The following WDR36 variants were observed in gnomAD, a reference collection of about 807,000 sequenced individuals.
WDR36 encodes the protein WD repeat-containing protein 36.
WDR36 carries 63 observed loss-of-function variants against 112.7 expected under a neutral mutation model. The ratio of observed to expected loss-of-function variants is 0.56; its 90% CI spans 0.46 to 0.69. WDR36 has a LOEUF of 0.69. Among genes scored for constraint, WDR36 ranks in the 30% least tolerant of loss-of-function variants. The pLI is 0.00. For missense variants in WDR36, 1,226 were observed against 1,070.3 expected (o/e 1.15, Z -2.03); for synonymous variants, 410 against 362.2 (o/e 1.13, Z -1.50).
chr5:111,098,673 A>G (rs976845112), intron 3 of WDR36, 49 bp from the exon 4 acceptor site: 4 of 1,176,070 alleles, frequency 3.4e-6, no homozygotes, highest in Non-Finnish European at 5.1e-6. Flanking sequence ...ATAATATGAC[A>G]TGATGACTGA....
At chr5:111,110,105 A>G (rs1026600898) in intron 12 of WDR36, 84 bp from the exon 13 acceptor site, 3 of 889,590 alleles carry the variant, frequency 3.4e-6, no homozygotes, top group Admixed American at 1.7e-5. Context: ...AAAAGGAACA[A>G]GTAGATAAAA....
rs543769556 is a variant in WDR36, at chr5:111,121,939, G to A, written c.2148+798G>A. ...ATGTACTTAAGTCACAGTATGGGCT[G>A]TGGTAAAAAGTTTAAGAAACACTGA... is the stretch of plus-strand genomic sequence containing the variant. On this transcript the variant is annotated intron_variant, in intron 19 of 22. Transcript: ENST00000513710. 1.5e-4 allele frequency among the ~76,000 whole-genome samples: 23 copies of A among 152,298 alleles called. No homozygotes were observed. In the East Asian group the frequency reaches 4.2e-3, roughly 28 times the overall value.
rs889462548 is a variant in WDR36, at chr5:111,126,643, T to A, written c.2539-91T>A. 3.6e-6 allele frequency: 5 copies of A among 1,372,814 alleles called. No homozygotes were observed. In the African/African-American group the frequency reaches 7.2e-5, roughly 20 times the overall value. 85.0% of individuals were successfully genotyped at this position (1,372,814 alleles called of 1,614,324 possible). A position where few individuals can be genotyped will look rare whatever the true frequency, so the allele number is the denominator to read the frequency against. ...TAAGAAAACAAATATTCACCTAGTG[T>A]CTTTTGTGGTTCCTTGGTAGAAAAA... On this transcript the variant is annotated intron_variant, in intron 22 of 22. Coordinates refer to ENST00000513710, the MANE Select transcript of WDR36 (RefSeq NM_139281.3).
Position 111,118,955 on chromosome 5 carries a change from G to A in WDR36, c.1797-58G>A. ...ATCTTTTTGGCAAAAATATTTTTGT[G>A]AATTATCTCCTTTTTGGTAGAGTTC... On this transcript the variant is annotated intron_variant, in intron 16 of 22. Transcript: ENST00000513710. 4.2e-6 allele frequency: 6 copies of A among 1,421,206 alleles called. No individual in the cohort carries two copies. In the South Asian group the frequency reaches 6.9e-5, roughly 16 times the overall value. 88.0% of individuals were successfully genotyped at this position (1,421,206 alleles called of 1,614,324 possible).
chr5:111,111,358 CATT>C (rs1029862883), intron 15 of WDR36, 80 bp downstream of exon 15: 3 of 1,097,018 alleles, frequency 2.7e-6, no homozygotes, highest in African/African-American at 3.1e-5. Context: ...GCCTTAAAAT[CATT>C]ATATGAGGTG....
intron 16 of WDR36, among the ~76,000 whole-genome samples, chr5:111,114,588 G>A (rs1753418467): frequency 6.6e-6 from 1 of 152,100 alleles, no homozygotes; most frequent in African/African-American, 2.4e-5. Context: ...TTGTCCACAG[G>A]TTTGTCTCTT....
chr5:111,124,331 G>A lies in WDR36; in HGVS notation c.2350+142G>A, dbSNP rs201197639. 2.5e-4 allele frequency: 167 copies of A among 673,636 alleles called. No homozygotes were observed. In the East Asian group the frequency reaches 4.5e-3, roughly 18 times the overall value. 41.7% of individuals were successfully genotyped at this position (673,636 alleles called of 1,614,324 possible). A position where few individuals can be genotyped will look rare whatever the true frequency, so the allele number is the denominator to read the frequency against. Reference sequence around the variant, plus strand: ...ATTGAAATTTTGGTTTTAATTTGACGTAATTTTAGCATTTATATTAAATAA... The same window carrying A: ...ATTGAAATTTTGGTTTTAATTTGACATAATTTTAGCATTTATATTAAATAA... On this transcript the variant is annotated intron_variant, in intron 21 of 22. Transcript: ENST00000513710.
intron 1 of WDR36, among the ~76,000 whole-genome samples, chr5:111,093,417 A>G (rs993250786): frequency 1.3e-5 from 2 of 152,188 alleles, no homozygotes; most frequent in African/African-American, 4.8e-5. Context: ...TCTCTCTTGG[A>G]GGATTGTGAA....
intron 11 of WDR36, among the ~76,000 whole-genome samples, chr5:111,106,899 C>T (rs529573606): frequency 3.6e-4 from 54 of 151,208 alleles, no homozygotes; most frequent in Non-Finnish European, 6.4e-4. Context: ...ATGTTATCCC[C>T]CCCAGGTAAT....
At chr5:111,124,314 T>C in intron 21 of WDR36, 125 bp downstream of exon 21, 1 of 870,640 alleles carries the variant, frequency 1.1e-6, no homozygotes, top group Middle Eastern at 3.6e-4. Context: ...AGATTGAAAT[T>C]TTGGTTTTAA....
chr5:111,099,347 C>G (rs577116104), intron 4 of WDR36, among the ~76,000 whole-genome samples: 1 of 151,646 alleles, frequency 6.6e-6, no homozygotes, highest in South Asian at 2.1e-4. Context: ...CCTAGGATAT[C>G]TACACCTTTC....
In WDR36 at chr5:111,120,511, G is replaced by T; in HGVS notation, c.1920G>T (p.Leu640=). The part of the protein sequence containing the change: ...LGIYLWSNIS[L]YSVVSLRPLP... ...GATTTTTCAGGTCCAATATTTCCCT[G>T]TATTCAGTTGTTTCATTACGGCCAC... Residue 640 remains leucine, a synonymous_variant, in exon 18 of 23, where the codon CTG becomes CTT. Coordinates refer to ENST00000513710, the MANE Select transcript of WDR36 (RefSeq NM_139281.3). 2 of 1,612,436 alleles carry T rather than the reference G, an allele frequency of 1.2e-6. No homozygotes were observed. Among genetic ancestry groups the T allele is most frequent in the Non-Finnish European group, 1.7e-6 (2 of 1,178,958 alleles).
rs1278777417 is a variant in WDR36, at chr5:111,111,251, T to A, written c.1689T>A (p.Ser563=). ...IETRKIVREF[S]GHQGQINDMA... is the part of the protein sequence containing the mutation. The stretch of plus-strand genomic sequence containing the variant: ...CTAGGAAGATTGTCAGAGAGTTTTC[T>A]GGACACCAAGGCCAAATAAATGACA... Residue 563 remains serine (S), a synonymous_variant, in exon 15 of 23, where the codon TCT becomes TCA. Transcript: ENST00000513710. 2.0e-5 allele frequency: 33 copies of A among 1,611,514 alleles called. No homozygotes were observed. Among genetic ancestry groups the A allele is most frequent in the Non-Finnish European group, 2.4e-5 (28 of 1,178,102 alleles).
Position 111,111,285 on chromosome 5 carries a change from CAA to C in WDR36, c.1716+9_1716+10del, listed in dbSNP as rs1020792869. The C allele has an allele frequency of 3.7e-5, 59 of 1,601,284 alleles. No homozygotes were observed. Among genetic ancestry groups the C allele is most frequent in the Non-Finnish European group, 4.9e-5 (57 of 1,168,910 alleles). On this transcript the variant is annotated splice_region_variant and intron_variant, in intron 15 of 22. Coordinates refer to ENST00000513710, the MANE Select transcript of WDR36 (RefSeq NM_139281.3). Reference sequence around the variant, plus strand: ...AGGCCAAATAAATGACATGGTAAAACAAACTCTAACTAATAAAACTTGACTCA... The same window carrying C: ...AGGCCAAATAAATGACATGGTAAAACACTCTAACTAATAAAACTTGACTCA...
At chr5:111,109,208 G>A (rs993925034) in intron 12 of WDR36, among the ~76,000 whole-genome samples, 4 of 151,388 alleles carry the variant, frequency 2.6e-5, no homozygotes, top group Admixed American at 2.0e-4. Context: ...TTTCTTGATT[G>A]TATAACTATA....
intron 12 of WDR36, among the ~76,000 whole-genome samples, chr5:111,108,839 C>T (rs1753269618): frequency 6.6e-6 from 1 of 151,160 alleles, no homozygotes; most frequent in African/African-American, 2.4e-5. Flanking sequence ...ATTCTTATAG[C>T]CCATAGGGAT....
intron 8 of WDR36, 121 bp downstream of exon 8, chr5:111,104,473 T>C (rs1177797599): frequency 5.5e-6 from 8 of 1,451,790 alleles, no homozygotes; most frequent in Non-Finnish European, 7.7e-6. Flanking sequence ...AATGAGATAT[T>C]GGTATAGATG....
chr5:111,094,623 G>A (rs975998833), intron 1 of WDR36, among the ~76,000 whole-genome samples: 4 of 152,228 alleles, frequency 2.6e-5, no homozygotes, highest in East Asian at 3.9e-4. Context: ...TTCATGCTAC[G>A]GTGGCAGAAG....
At chr5:111,119,527 T>C (rs1422872455) in intron 17 of WDR36, among the ~76,000 whole-genome samples, 3 of 152,182 alleles carry the variant, frequency 2.0e-5, no homozygotes, top group Admixed American at 1.3e-4. Context: ...ATAAGCAGAA[T>C]ACTTTCTGAG....
Sources: allele counts gnomAD v4.1 joint callset (sites outside exome capture counted in the v4.1 genomes callset), GRCh38; gene constraint gnomAD v4.1.1; transcripts MANE v1.5; gene names NCBI Gene and HGNC (gene_info 2026-07-23, HGNC 2026-07-21).